Variants in SYNGR1 observed in about 807,000 individuals in gnomAD.
The protein encoded by SYNGR1 is synaptogyrin-1.
Under a neutral mutation model 26.1 loss-of-function variants are expected in SYNGR1, and 14 were observed. The ratio of observed to expected loss-of-function variants is 0.54; its 90% CI spans 0.35 to 0.84. The LOEUF (loss-of-function observed/expected upper bound fraction) is 0.84. Among genes scored for constraint, SYNGR1 ranks in the 40% least tolerant of loss-of-function variants. The pLI is 0.01. For missense variants in SYNGR1, 319 were observed against 332.9 expected, an observed-to-expected ratio of 0.96 and a Z score of 0.33; for synonymous variants, 141 against 150.1, an observed-to-expected ratio of 0.94 and a Z score of 0.44.
At chr22:39,362,649 C>A (rs1924536634) in intron 1 of SYNGR1, among the ~76,000 whole-genome samples, 2 of 152,168 alleles carry the variant, frequency 1.3e-5, no homozygotes, top group Non-Finnish European at 2.9e-5. Flanking sequence ...CTCAGCCTTT[C>A]CCCAGGAGGC....
chr22:39,372,286 C>G (rs1242897787), intron 1 of SYNGR1, among the ~76,000 whole-genome samples: 2 of 151,480 alleles, frequency 1.3e-5, no homozygotes, highest in African/African-American at 4.8e-5. Context: ...CACGTGCCAC[C>G]ACACCCAGCT....
intron 1 of SYNGR1, among the ~76,000 whole-genome samples, chr22:39,369,955 T>G (rs929417675): frequency 6.6e-6 from 1 of 152,242 alleles, no homozygotes; most frequent in African/African-American, 2.4e-5. Flanking sequence ...CATACCATTT[T>G]AATGTTGTAT....
intron 1 of SYNGR1, among the ~76,000 whole-genome samples, chr22:39,365,988 C>CTGTTTTTTTTTTTTT: frequency 1.5e-5 from 1 of 68,382 alleles, no homozygotes; most frequent in East Asian, 9.8e-4. Context: ...TCAGCCCCTT[C>CTGTTTTTTTTTTTTT]TTTTTTTTTT....
rs774365940 is a variant in SYNGR1, at chr22:39,381,798, T to C, written c.586T>C (p.Tyr196His). The C allele has an allele frequency of 6.4e-7, 1 of 1,571,848 alleles. No homozygotes were observed. The highest frequency in any genetic ancestry group is 8.6e-7 in the Non-Finnish European group (1 of 1,168,342). Residue 196 changes from tyrosine (Y) to histidine (H), a missense_variant, in exon 4 of 4, where the codon TAC becomes CAC. Transcript: ENST00000328933. Reference protein sequence around the residue: ...MDPSQDSSMPYAPYVEPTGPD... With the variant: ...MDPSQDSSMPHAPYVEPTGPD... ...CCCCAGCCAGGACTCCAGCATGCCTTACGCGCCCTACGTGGAGCCCACTGG... is the reference window on the plus strand; with the variant it reads ...CCCCAGCCAGGACTCCAGCATGCCTCACGCGCCCTACGTGGAGCCCACTGG...
chr22:39,375,949 C>T, intron 2 of SYNGR1, 103 bp from the exon 3 acceptor site: 1 of 1,499,434 alleles, frequency 6.7e-7, no homozygotes, highest in Non-Finnish European at 9.3e-7. Flanking sequence ...GGGAGATGCA[C>T]TCTTGAATGT....
intron 2 of SYNGR1, chr22:39,375,434 C>T (rs375428964): frequency 1.5e-4 from 26 of 174,812 alleles, no homozygotes; most frequent in East Asian, 1.3e-3. Flanking sequence ...CAGGAGATTG[C>T]GTGGCTATGA....
At chr22:39,354,637 C>T (rs1256974333) in intron 1 of SYNGR1, among the ~76,000 whole-genome samples, 9 of 152,088 alleles carry the variant, frequency 5.9e-5, no homozygotes, top group African/African-American at 1.9e-4. Context: ...GTCAGGAGTT[C>T]GAGACCATCC....
chr22:39,384,863 G>T lies in SYNGR1; in HGVS notation c.*2949G>T. ...GTAGGGAGACAGCGACTTGTCCAAG[G>T]TCAAGCACAGAGGGAGAGGTTCAGG... On this transcript the variant is annotated 3_prime_UTR_variant, in exon 4 of 4. Coordinates refer to ENST00000328933, the MANE Select transcript of SYNGR1 (RefSeq NM_004711.5). 1 of 399,036 alleles carries T rather than the reference G, an allele frequency of 2.5e-6. No homozygotes were observed. The highest frequency in any genetic ancestry group is 4.4e-6 in the Non-Finnish European group (1 of 226,148). 24.7% of individuals were successfully genotyped at this position (399,036 alleles called of 1,614,324 possible). A position where few individuals can be genotyped will look rare whatever the true frequency, so the allele number is the denominator to read the frequency against.
At chr22:39,361,727 C>T (rs1319422982) in intron 1 of SYNGR1, among the ~76,000 whole-genome samples, 1 of 151,958 alleles carries the variant, frequency 6.6e-6, no homozygotes, top group Admixed American at 6.6e-5. Context: ...AAAATGGGTA[C>T]AACAGCGCCT....
chr22:39,354,400 G>A (rs543891357), intron 1 of SYNGR1, among the ~76,000 whole-genome samples: 2 of 152,292 alleles, frequency 1.3e-5, no homozygotes, highest in African/African-American at 4.8e-5. Flanking sequence ...GGACTGCTGG[G>A]CTCCACATTC....
intron 1 of SYNGR1, among the ~76,000 whole-genome samples, chr22:39,355,345 G>A (rs1924098391): frequency 6.6e-6 from 1 of 152,244 alleles, no homozygotes; most frequent in African/African-American, 2.4e-5. Context: ...CCCAGTACCG[G>A]GCACAGCCCT....
At chr22:39,360,398 G>C (rs958938249) in intron 1 of SYNGR1, among the ~76,000 whole-genome samples, 2 of 152,122 alleles carry the variant, frequency 1.3e-5, no homozygotes, top group African/African-American at 2.4e-5. Context: ...TCTCCCACAC[G>C]CACTCCCCAC....
At chr22:39,361,898 G>A (rs192841148) in intron 1 of SYNGR1, among the ~76,000 whole-genome samples, 75 of 152,222 alleles carry the variant, frequency 4.9e-4, no homozygotes, top group African/African-American at 1.7e-3. Context: ...GGGTAAAGAA[G>A]GCCCTGGGGG....
chr22:39,382,950 GACA>G lies in SYNGR1; in HGVS notation c.*1041_*1043del, dbSNP rs1925547070. On this transcript the variant is annotated 3_prime_UTR_variant, in exon 4 of 4. Transcript: ENST00000328933. ...CTAAGCCCTTACCTAGGGCTGGGTG[GACA>G]ACAAGGCACAGATGAGGGTGTGACT... 2 of 152,292 alleles carry G rather than the reference GACA, an allele frequency of 1.3e-5. No homozygotes were observed. The highest frequency in any genetic ancestry group is 1.3e-4 in the Admixed American group (2 of 15,288). 9.4% of individuals were successfully genotyped at this position (152,292 alleles called of 1,614,324 possible).
At chr22:39,360,724 G>T (rs1924431856) in intron 1 of SYNGR1, among the ~76,000 whole-genome samples, 1 of 152,188 alleles carries the variant, frequency 6.6e-6, no homozygotes, top group African/African-American at 2.4e-5. Flanking sequence ...GTTAAAATAT[G>T]GAGGTGAGCA....
chr22:39,377,754 G>A, intron 3 of SYNGR1: 1 of 1,585,766 alleles, frequency 6.3e-7, no homozygotes, highest in Non-Finnish European at 8.6e-7. Flanking sequence ...GGCAGGAGCA[G>A]CCTAGTGCCA....
intron 3 of SYNGR1, chr22:39,378,314 T>A (rs1393658120): frequency 3.1e-6 from 3 of 969,038 alleles, no homozygotes; most frequent in African/African-American, 1.8e-5. Flanking sequence ...GTTGTGCCAA[T>A]GAAACAAAGG....
chr22:39,384,641 C>G lies in SYNGR1; in HGVS notation c.*2727C>G. 1 of 399,044 alleles carries G rather than the reference C, an allele frequency of 2.5e-6. No homozygotes were observed. The allele number at this position is 399,044 out of a possible 1,614,324, so 24.7% of individuals were successfully genotyped here. On this transcript the variant is annotated 3_prime_UTR_variant, in exon 4 of 4. Transcript: ENST00000328933. ...TGGGGAACCCCAGGCCCAACTCTGT[C>G]CGGTATCCCTTTTCCTCCCAGCTGC...
At position 39,382,066 on chromosome 22, in the gene SYNGR1, G is replaced by A; in HGVS notation, c.*152G>A. 1.3e-6 allele frequency: 1 copy of A among 799,686 alleles called. No homozygotes were observed. The highest frequency in any genetic ancestry group is 2.0e-6 in the Non-Finnish European group (1 of 488,906). The allele number at this position is 799,686 out of a possible 1,614,324, so 49.5% of individuals were successfully genotyped here. A position where few individuals can be genotyped will look rare whatever the true frequency, so the allele number is the denominator to read the frequency against. On this transcript the variant is annotated 3_prime_UTR_variant, in exon 4 of 4. Coordinates refer to ENST00000328933, the MANE Select transcript of SYNGR1 (RefSeq NM_004711.5). Reference sequence around the variant, plus strand: ...GGTAGCTCGGGGCAGGGGTGGGGCAGTCCAGTGTTGGGGACTGTCTACGTA... The same window carrying A: ...GGTAGCTCGGGGCAGGGGTGGGGCAATCCAGTGTTGGGGACTGTCTACGTA...
Sources: allele counts gnomAD v4.1 joint callset (sites outside exome capture counted in the v4.1 genomes callset), GRCh38; gene constraint gnomAD v4.1.1; transcripts MANE v1.5; gene names NCBI Gene and HGNC (gene_info 2026-07-23, HGNC 2026-07-21).